Variants in ABCA8 observed in about 807,000 individuals in gnomAD.
ABCA8 encodes the protein ATP binding cassette subfamily A member 8.
A neutral mutation model predicts 192.3 loss-of-function variants in ABCA8; 177 were observed. The ratio of observed to expected loss-of-function variants is 0.92; its 90% confidence interval spans 0.81 to 1.04. ABCA8 has a LOEUF of 1.04. Among genes scored for constraint, ABCA8 ranks in the 50% least tolerant of loss-of-function variants. ABCA8 has a pLI of 0.00. For missense variants in ABCA8, 1,915 were observed against 1,904.8 expected (o/e 1.01, Z -0.10); for synonymous variants, 642 against 690.2 (o/e 0.93, Z 1.09).
intron 23 of ABCA8, 146 bp from the exon 24 acceptor site, chr17:68,891,742 GT>G (rs1356453173): frequency 1.8e-6 from 1 of 559,590 alleles, no homozygotes; most frequent in African/African-American, 1.9e-5. Context: ...TATCCTTCCA[GT>G]TTTCACACTT....
chr17:68,924,954 C>A, intron 10 of ABCA8, 85 bp from the exon 11 acceptor site: 2 of 1,387,136 alleles, frequency 1.4e-6, no homozygotes, highest in Non-Finnish European at 2.0e-6. Context: ...GGCAACACAG[C>A]CCTTTGTTGC....
chr17:68,885,281 C>G lies in ABCA8; in HGVS notation c.3464G>C (p.Ser1155Thr). 6.2e-7 allele frequency: 1 copy of G among 1,612,768 alleles called. No individual in the cohort carries two copies. Among genetic ancestry groups the G allele is most frequent in the Non-Finnish European group, 8.5e-7 (1 of 1,179,462 alleles). ...TVFSVAGFAF[S>T]IFESDIPFIF... ...AAATGGAATATCACTTTCGAAGATA[C>G]TGAACGCAAATCCAGCCACAGAGAA... Residue 1155 changes from serine to threonine, a missense_variant, in exon 27 of 40, where the codon AGT (serine) becomes ACT (threonine). Coordinates refer to ENST00000586539, the MANE Select transcript of ABCA8 (RefSeq NM_001288985.2).
chr17:68,923,865 C>T lies in ABCA8; in HGVS notation c.1442+836G>A, dbSNP rs150249620. Among the ~76,000 whole-genome samples the T allele has an allele frequency of 3.8e-3, 583 of 152,198 alleles. 1 individual carries two copies. The highest frequency in any genetic ancestry group is 7.0e-3 in the Non-Finnish European group (474 of 68,018). On this transcript the variant is annotated intron_variant, in intron 11 of 39. Coordinates refer to ENST00000586539, the MANE Select transcript of ABCA8 (RefSeq NM_001288985.2). ...CTTAAGGACTTTCTTCCTATTTTCT[C>T]ATATCTAGAAATAAAAGTCACCAGC...
intron 21 of ABCA8, among the ~76,000 whole-genome samples, chr17:68,901,900 G>A (rs914131872): frequency 2.0e-5 from 3 of 151,648 alleles, no homozygotes; most frequent in Non-Finnish European, 4.4e-5. Flanking sequence ...TCCTTCAAAG[G>A]GTAAACATAG....
In ABCA8 at chr17:68,917,467, A is replaced by G. The variant is rs147094500; in HGVS notation, c.2048-16T>C. On this transcript the variant is annotated splice_polypyrimidine_tract_variant and intron_variant, in intron 16 of 39. Transcript: ENST00000586539. ...ACTTTCCTGTCTGAAAAAGAAGAAG[A>G]GCAAAGAAGAAAGTTTGTTAAAAAG... 2.7e-4 allele frequency: 422 copies of G among 1,589,002 alleles called. 1 individual carries two copies. The East Asian group carries it at 6.2e-3, about 23-fold the overall frequency.
chr17:68,904,677 C>T (rs2067015921), intron 19 of ABCA8, among the ~76,000 whole-genome samples: 1 of 152,160 alleles, frequency 6.6e-6, no homozygotes, highest in South Asian at 2.1e-4. Context: ...TTTACAGCAT[C>T]TACGAACTTT....
chr17:68,918,256 C>A (rs2067434751), intron 15 of ABCA8, 71 bp from the exon 16 acceptor site: 1 of 1,581,628 alleles, frequency 6.3e-7, no homozygotes, highest in Non-Finnish European at 8.6e-7. Context: ...AACGCAAAAA[C>A]CATATTGATT....
chr17:68,897,910 G>C (rs938699403), intron 21 of ABCA8, among the ~76,000 whole-genome samples: 4 of 152,178 alleles, frequency 2.6e-5, no homozygotes, highest in Non-Finnish European at 4.4e-5. Context: ...GGAGAGGAGA[G>C]AGATAAAAGA....
chr17:68,953,330 G>T (rs1483466219), intron 1 of ABCA8, among the ~76,000 whole-genome samples: 1 of 152,182 alleles, frequency 6.6e-6, no homozygotes, highest in Non-Finnish European at 1.5e-5. Flanking sequence ...TGCATGCCAT[G>T]TTGGCCATGC....
chr17:68,880,466 G>T (rs2066308337), intron 32 of ABCA8, among the ~76,000 whole-genome samples: 1 of 152,148 alleles, frequency 6.6e-6, no homozygotes, highest in African/African-American at 2.4e-5. Flanking sequence ...CCCCCCACTT[G>T]CCATGTTGCA....
chr17:68,918,523 C>G lies in ABCA8; in HGVS notation c.1812G>C (p.Leu604Phe). The G allele has an allele frequency of 2.6e-6, 4 of 1,516,624 alleles. No individual in the cohort carries two copies. The highest frequency in any genetic ancestry group is 3.5e-6 in the Non-Finnish European group (4 of 1,141,484). 93.9% of individuals were successfully genotyped at this position (1,516,624 alleles called of 1,614,324 possible). A position where few individuals can be genotyped will look rare whatever the true frequency, so the allele number is the denominator to read the frequency against. ...DKEIQRVLLE[L>F]EMKNIQDVLA... ...GAACATCCTGAATATTTTTCATTTC[C>G]AATTCCAGCAGAACCCTTTGTATCT... The change falls in exon 15 of 40, where the codon TTG (leucine) becomes TTC (phenylalanine). Residue 604 changes from leucine (L) to phenylalanine (F), a missense_variant. Transcript: ENST00000586539.
intron 21 of ABCA8, among the ~76,000 whole-genome samples, chr17:68,895,513 A>G (rs1033169363): frequency 6.6e-6 from 1 of 152,226 alleles, no homozygotes. Flanking sequence ...AATTGTTATA[A>G]GAGCATACAG....
intron 21 of ABCA8, among the ~76,000 whole-genome samples, chr17:68,895,474 TA>T (rs1023430040): frequency 5.0e-4 from 76 of 152,274 alleles, no homozygotes; most frequent in Non-Finnish European, 9.1e-4. Flanking sequence ...TAAAAATTCC[TA>T]AAAAACCAAC....
At position 68,918,097 on chromosome 17, in the gene ABCA8, C is replaced by CG. The variant is rs755592041; in HGVS notation, c.1996dup (p.Arg666ProfsTer12). On this transcript the variant is annotated frameshift_variant, in exon 16 of 40. Coordinates refer to ENST00000586539, the MANE Select transcript of ABCA8 (RefSeq NM_001288985.2). LOFTEE classifies it high-confidence loss of function. ...GAACTGGGTACTGAAGAGGATCACGCGGTCTGTTTTGCGTTCTTTCAGAAG... is the reference window on the plus strand; with the variant it reads ...GAACTGGGTACTGAAGAGGATCACGCGGGTCTGTTTTGCGTTCTTTCAGAAG... 1.1e-5 allele frequency: 18 copies of CG among 1,614,042 alleles called. No individual in the cohort carries two copies. The highest frequency in any genetic ancestry group is 1.4e-5 in the Non-Finnish European group (17 of 1,180,024).
intron 39 of ABCA8, 35 bp downstream of exon 39, chr17:68,868,266 A>T: frequency 6.2e-7 from 1 of 1,608,734 alleles, no homozygotes; most frequent in South Asian, 1.1e-5. Context: ...ATACACATAT[A>T]CCATGGATGA....
rs1431462413 is a variant in ABCA8, at chr17:68,918,324, A to G, written c.1908+103T>C. The G allele has an allele frequency of 2.0e-6, 3 of 1,482,020 alleles. No homozygotes were observed. In the African/African-American group the frequency reaches 4.2e-5, roughly 21 times the overall value. 91.8% of individuals were successfully genotyped at this position (1,482,020 alleles called of 1,614,324 possible). A position where few individuals can be genotyped will look rare whatever the true frequency, so the allele number is the denominator to read the frequency against. On this transcript the variant is annotated intron_variant, in intron 15 of 39. Transcript: ENST00000586539. ...ATACTCTATTTAATGTTCTATTATGAATATTTTATAACACATGTCCTTTGC... is the reference window on the plus strand; with the variant it reads ...ATACTCTATTTAATGTTCTATTATGGATATTTTATAACACATGTCCTTTGC...
At chr17:68,952,503 G>C (rs2068595739) in intron 1 of ABCA8, among the ~76,000 whole-genome samples, 1 of 152,146 alleles carries the variant, frequency 6.6e-6, no homozygotes, top group Non-Finnish European at 1.5e-5. Context: ...TCAATTTAAA[G>C]AACATACAAA....
rs151028070 is a variant in ABCA8, at chr17:68,912,566, T to C, written c.2139-4687A>G. 1.4e-3 allele frequency among the ~76,000 whole-genome samples: 214 copies of C among 151,804 alleles called. 4 individuals are homozygous for C. Among genetic ancestry groups the C allele is most frequent in the African/African-American group, 5.1e-3 (210 of 41,420 alleles). On this transcript the variant is annotated intron_variant, in intron 17 of 39. Transcript: ENST00000586539. ...AATAACAGAGAACATTCCATGCAAA[T>C]AGAAAACAGAAAAGAGCAGAAATAG...
intron 37 of ABCA8, 21 bp from the exon 38 acceptor site, chr17:68,869,800 A>C: frequency 2.6e-6 from 4 of 1,544,390 alleles, no homozygotes; most frequent in Non-Finnish European, 2.7e-6. Flanking sequence ...AGGAGAGGTA[A>C]GAAGAGTGAT....
Sources: gnomAD v4.1 joint callset for allele counts (sites outside exome capture counted in the v4.1 genomes callset) on GRCh38, gnomAD v4.1.1 for gene constraint, MANE v1.5 for transcripts, NCBI Gene and HGNC (gene_info 2026-07-23, HGNC 2026-07-21) for gene names.